The following STX8 variants were observed in gnomAD, a reference collection of about 807,000 sequenced individuals.
The protein encoded by STX8 is syntaxin 8, also known as syntaxin-8.
STX8 carries 23 observed loss-of-function variants against 37.5 expected under a neutral mutation model. That is an observed-to-expected ratio of 0.61 (90% CI 0.44 to 0.87). STX8 has a LOEUF of 0.87. Ranked by LOEUF, STX8 falls within the 40% of genes least tolerant of loss-of-function variation. The pLI, the probability that STX8 is intolerant of heterozygous loss-of-function variation, is 0.00. For missense variants in STX8, 313 were observed against 284.7 expected (o/e 1.10, Z -0.71); for synonymous variants, 115 against 99.1 (o/e 1.16, Z -0.95).
intron 6 of STX8, among the ~76,000 whole-genome samples, chr17:9,454,862 CA>C (rs913640664): frequency 3.3e-5 from 5 of 151,436 alleles, no homozygotes; most frequent in African/African-American, 1.2e-4. Context: ...TCTTTGGAGA[CA>C]AAAAAAATTA....
At chr17:9,423,347 G>A (rs904069294) in intron 6 of STX8, among the ~76,000 whole-genome samples, 2 of 151,988 alleles carry the variant, frequency 1.3e-5, no homozygotes, top group Admixed American at 6.6e-5. Context: ...TTTTTGAGAC[G>A]GAGTCTCTCT....
At chr17:9,367,755 C>G (rs1328547691) in intron 7 of STX8, among the ~76,000 whole-genome samples, 1 of 152,056 alleles carries the variant, frequency 6.6e-6, no homozygotes, top group Non-Finnish European at 1.5e-5. Context: ...TGTTGAGACA[C>G]AGTCTTGCTC....
At chr17:9,559,135 A>C (rs1907106542) in intron 2 of STX8, among the ~76,000 whole-genome samples, 1 of 152,204 alleles carries the variant, frequency 6.6e-6, no homozygotes, top group Non-Finnish European at 1.5e-5. Context: ...GGGATTTTCT[A>C]ATATTTTATA....
chr17:9,254,795 G>A lies in STX8; in HGVS notation c.644-4150C>T, dbSNP rs748860649. ...GTTCTCGTTCACCGCCATATCCCCC[G>A]TACCTAGAACAGAGCCTGGCACAGG... On this transcript the variant is annotated intron_variant, in intron 7 of 7. Coordinates refer to ENST00000306357, the MANE Select transcript of STX8 (RefSeq NM_004853.3). Among the ~76,000 whole-genome samples, 21 of 152,050 alleles carry A rather than the reference G, an allele frequency of 1.4e-4. 1 individual carries two copies. Among genetic ancestry groups the A allele is most frequent in the Admixed American group, 9.8e-4 (15 of 15,282 alleles).
intron 7 of STX8, among the ~76,000 whole-genome samples, chr17:9,304,470 T>C (rs1487602989): frequency 2.2e-5 from 3 of 139,366 alleles, no homozygotes; most frequent in Non-Finnish European, 3.0e-5. Context: ...GATCGTGCCA[T>C]TGCACTCCAG....
intron 6 of STX8, among the ~76,000 whole-genome samples, chr17:9,424,648 A>C (rs367737710): frequency 3.3e-5 from 5 of 152,066 alleles, no homozygotes; most frequent in Non-Finnish European, 7.4e-5. Context: ...TTCTTGATCA[A>C]CTTCGAGTTA....
rs4380086 is a variant in STX8 at position 9,540,978 on chromosome 17, G to A, written c.323+4194C>T. Among the ~76,000 whole-genome samples, 1,340 of 152,220 alleles carry A rather than the reference G, an allele frequency of 8.8e-3. 16 individuals are homozygous for A. Among genetic ancestry groups the A allele is most frequent in the Middle Eastern group, 0.051 (15 of 294 alleles). Reference sequence around the variant, plus strand: ...AACACACCAACAAGCAACAGCTTTAGTCCACCACATGGATCAGCCTTATGG... The same window carrying A: ...AACACACCAACAAGCAACAGCTTTAATCCACCACATGGATCAGCCTTATGG... On this transcript the variant is annotated intron_variant, in intron 4 of 7. Coordinates refer to ENST00000306357, the MANE Select transcript of STX8 (RefSeq NM_004853.3).
intron 6 of STX8, among the ~76,000 whole-genome samples, chr17:9,457,356 T>C (rs1332353074): frequency 2.6e-5 from 4 of 152,208 alleles, no homozygotes; most frequent in Non-Finnish European, 1.5e-5. Flanking sequence ...CCACACTCCT[T>C]GGCTTGTGGC....
At chr17:9,345,914 C>A (rs1225189227) in intron 7 of STX8, among the ~76,000 whole-genome samples, 1 of 119,032 alleles carries the variant, frequency 8.4e-6, no homozygotes, top group African/African-American at 3.2e-5. Context: ...TGCAGTGGCA[C>A]GGTCTCAGCT....
At chr17:9,288,675 A>T (rs553073391) in intron 7 of STX8, among the ~76,000 whole-genome samples, 73 of 151,040 alleles carry the variant, frequency 4.8e-4, no homozygotes, top group Non-Finnish European at 2.4e-4. Context: ...ATAAATAAAT[A>T]AAATAAATAA....
At chr17:9,276,446 G>C (rs966673718) in intron 7 of STX8, among the ~76,000 whole-genome samples, 1 of 152,046 alleles carries the variant, frequency 6.6e-6, no homozygotes, top group African/African-American at 2.4e-5. Context: ...CTTTAAACGA[G>C]GGACAGATTT....
intron 6 of STX8, among the ~76,000 whole-genome samples, chr17:9,485,709 C>T (rs1222279337): frequency 6.6e-6 from 1 of 152,030 alleles, no homozygotes. Flanking sequence ...CCTCAGCCTC[C>T]CGAGTAGCTG....
chr17:9,378,356 T>C (rs1457949942), intron 7 of STX8, 196 bp downstream of exon 7: 20 of 522,774 alleles, frequency 3.8e-5, no homozygotes, highest in Non-Finnish European at 6.6e-5. Context: ...AAACAATGAA[T>C]GATATGCCCT....
chr17:9,275,995 T>G (rs926711924), intron 7 of STX8, among the ~76,000 whole-genome samples: 13 of 152,188 alleles, frequency 8.5e-5, no homozygotes, highest in Admixed American at 5.2e-4. Context: ...ATTAAGGCTT[T>G]TCCAGTCATG....
chr17:9,396,249 G>T (rs1420313914), intron 6 of STX8, among the ~76,000 whole-genome samples: 1 of 151,784 alleles, frequency 6.6e-6, no homozygotes, highest in Non-Finnish European at 1.5e-5. Flanking sequence ...TATATTGTAT[G>T]ATTCCAATTA....
At chr17:9,526,291 T>C (rs2142533891) in intron 4 of STX8, among the ~76,000 whole-genome samples, 1 of 152,272 alleles carries the variant, frequency 6.6e-6, no homozygotes, top group Non-Finnish European at 1.5e-5. Flanking sequence ...GTCTCCTCAT[T>C]TGTAAACCAA....
rs550738095 is a variant in STX8, at chr17:9,384,639, CAAACA to C, written c.542-5991_542-5987del. 7.0e-4 allele frequency among the ~76,000 whole-genome samples: 107 copies of C among 151,830 alleles called. 1 individual carries two copies. Among genetic ancestry groups the C allele is most frequent in the African/African-American group, 2.3e-3 (94 of 41,266 alleles). ...TGAGCAACAGAGCGAGACTCCATCT[CAAACA>C]AAACAAAACAAAACAAAACAGAACA... On this transcript the variant is annotated intron_variant, in intron 6 of 7. Coordinates refer to ENST00000306357, the MANE Select transcript of STX8 (RefSeq NM_004853.3).
chr17:9,561,348 A>G (rs1453344194), intron 2 of STX8, among the ~76,000 whole-genome samples: 1 of 152,190 alleles, frequency 6.6e-6, no homozygotes, highest in Admixed American at 6.5e-5. Flanking sequence ...TAACATATAT[A>G]AAAAGAAAAC....
intron 2 of STX8, 63 bp downstream of exon 2, chr17:9,568,308 G>A (rs1360833258): frequency 2.4e-6 from 3 of 1,230,304 alleles, no homozygotes; most frequent in Non-Finnish European, 3.5e-6. Flanking sequence ...AAGAAAGATA[G>A]GAGGGTTTTC....
Sources: allele counts gnomAD v4.1 joint callset (sites outside exome capture counted in the v4.1 genomes callset), GRCh38; gene constraint gnomAD v4.1.1; transcripts MANE v1.5; gene names NCBI Gene and HGNC (gene_info 2026-07-23, HGNC 2026-07-21).